ELF1: variants seen among roughly 807,000 people sequenced by gnomAD.
ELF1 encodes E74 like ETS transcription factor 1, also known as ETS-related transcription factor Elf-1.
Under a neutral mutation model 59.9 loss-of-function variants are expected in ELF1, and 24 were observed. The observed-to-expected ratio is 0.40, with a 90% confidence interval of 0.29 to 0.56. The LOEUF is 0.56. Ranked by LOEUF, ELF1 falls within the 20% of genes least tolerant of loss-of-function variation. ELF1 has a pLI of 0.44. For missense variants in ELF1, 627 were observed against 742.2 expected (o/e 0.84, Z 1.80); for synonymous variants, 248 against 266.2 (o/e 0.93, Z 0.67).
chr13:40,939,895 T>C (rs1001935567), intron 8 of ELF1, among the ~76,000 whole-genome samples: 1 of 152,204 alleles, frequency 6.6e-6, no homozygotes, highest in African/African-American at 2.4e-5. Context: ...AGATGTAGCA[T>C]CCAATTAAAA....
chr13:41,049,088 T>G (rs756433342), intron 1 of ELF1, among the ~76,000 whole-genome samples: 4 of 152,232 alleles, frequency 2.6e-5, no homozygotes, highest in Non-Finnish European at 5.9e-5. Flanking sequence ...TCTGGACTAC[T>G]CTTTCTCAGT....
At chr13:41,040,902 G>A (rs889337183) in intron 1 of ELF1, among the ~76,000 whole-genome samples, 6 of 152,100 alleles carry the variant, frequency 3.9e-5, no homozygotes, top group Admixed American at 1.3e-4. Context: ...GCACTGTTCC[G>A]CAGACTAAGG....
chr13:40,959,113 T>C (rs774507311), intron 2 of ELF1, 97 bp from the exon 3 acceptor site: 112 of 1,426,014 alleles, frequency 7.9e-5, no homozygotes, highest in Non-Finnish European at 9.8e-5. Flanking sequence ...TAGCCATCAA[T>C]TTAATTTTTA....
intron 1 of ELF1, chr13:40,993,229 C>T: frequency 1.3e-6 from 2 of 1,571,732 alleles, no homozygotes; most frequent in Admixed American, 1.7e-5. Flanking sequence ...GCAGCTGCAA[C>T]AACAGCACCA....
chr13:41,043,321 T>TA (rs1298722616), intron 1 of ELF1, among the ~76,000 whole-genome samples: 1 of 152,226 alleles, frequency 6.6e-6, no homozygotes, highest in Non-Finnish European at 1.5e-5. Context: ...AGATCCCATT[T>TA]GTCAATTTTG....
intron 1 of ELF1, among the ~76,000 whole-genome samples, chr13:41,054,482 A>G (rs1323910586): frequency 6.6e-6 from 1 of 152,204 alleles, no homozygotes; most frequent in Non-Finnish European, 1.5e-5. Context: ...CCACAGACAC[A>G]CGCAGGTATG....
At chr13:40,988,425 A>G (rs1323867595) in intron 1 of ELF1, among the ~76,000 whole-genome samples, 5 of 152,238 alleles carry the variant, frequency 3.3e-5, no homozygotes, top group African/African-American at 1.2e-4. Context: ...CCTTAGCAGA[A>G]TATCTGGAAA....
At chr13:40,972,792 A>G (rs993329574) in intron 2 of ELF1, among the ~76,000 whole-genome samples, 2 of 152,230 alleles carry the variant, frequency 1.3e-5, no homozygotes, top group Non-Finnish European at 2.9e-5. Context: ...TTTTAATGCC[A>G]TATCACACAG....
chr13:40,943,869 C>T lies in ELF1; in HGVS notation c.586G>A (p.Val196Met). Residue 196 changes from valine to methionine, a missense_variant, in exon 6 of 9, where the codon GTG becomes ATG. Physicochemically the swap from Val to Met is conservative, Grantham distance 21. Coordinates refer to ENST00000239882, the MANE Select transcript of ELF1 (RefSeq NM_172373.4). ...DSPATTPNIS[V>M]KKKNKDGKGN... is the part of the protein sequence containing the mutation. Reference sequence around the variant, plus strand: ...TTTCCATCTTTGTTTTTCTTCTTCACAGATATATTTGGCGTAGTGGCTGGG... The same window carrying T: ...TTTCCATCTTTGTTTTTCTTCTTCATAGATATATTTGGCGTAGTGGCTGGG... The T allele has an allele frequency of 6.2e-7, 1 of 1,613,648 alleles. No individual in the cohort carries two copies. Among genetic ancestry groups the T allele is most frequent in the Non-Finnish European group, 8.5e-7 (1 of 1,179,742 alleles).
chr13:41,038,619 T>C (rs1876479998), intron 1 of ELF1, among the ~76,000 whole-genome samples: 1 of 152,226 alleles, frequency 6.6e-6, no homozygotes, highest in African/African-American at 2.4e-5. Flanking sequence ...TTAAAAGCAC[T>C]GCCAAAAATT....
rs189004178 is a variant in ELF1, at chr13:40,986,169, A to G, written c.-228-3887T>C. Among the ~76,000 whole-genome samples the G allele has an allele frequency of 2.2e-4, 33 of 152,338 alleles. No individual in the cohort carries two copies. In the East Asian group the frequency reaches 6.2e-3, roughly 28 times the overall value. ...TTTGGAGTTAAAGTAAAATAGTAAC[A>G]CAAAGCAGTTCAGAGAACAGGCTCT... On this transcript the variant is annotated intron_variant, in intron 1 of 8. Coordinates refer to ENST00000239882, the MANE Select transcript of ELF1 (RefSeq NM_172373.4).
intron 1 of ELF1, among the ~76,000 whole-genome samples, chr13:41,052,375 T>C (rs1478322166): frequency 6.6e-6 from 1 of 152,208 alleles, no homozygotes; most frequent in African/African-American, 2.4e-5. Context: ...TGATAAAGTC[T>C]CTTAAGTGCT....
At chr13:41,049,522 T>C (rs1876996091) in intron 1 of ELF1, among the ~76,000 whole-genome samples, 1 of 152,224 alleles carries the variant, frequency 6.6e-6, no homozygotes, top group Non-Finnish European at 1.5e-5. Flanking sequence ...GAATGTCTTA[T>C]ATGATTTGAT....
At position 40,936,630 on chromosome 13, in the gene ELF1, G is replaced by A. The variant is rs577921213; in HGVS notation, c.1257-2602C>T. The stretch of plus-strand genomic sequence containing the variant: ...GCTGGGCATAGTCGGGTGTGGTGGC[G>A]GGCGCCTGTAGTCCCAGCTGCTGGG... On this transcript the variant is annotated intron_variant, in intron 8 of 8. Transcript: ENST00000239882. Among the ~76,000 whole-genome samples, 25 of 151,814 alleles carry A rather than the reference G, an allele frequency of 1.6e-4. 1 individual carries two copies. The highest frequency in any genetic ancestry group is 1.0e-3 in the South Asian group (5 of 4,792).
At chr13:41,022,905 C>A (rs1391600663), upstream of ELF1, among the ~76,000 whole-genome samples, 3 of 151,830 alleles carry the variant, frequency 2.0e-5, no homozygotes, top group Non-Finnish European at 4.4e-5. Context: ...TAACAAATAT[C>A]CAAGTTCTGC....
At chr13:41,014,591 C>A (rs1301434479) in intron 1 of ELF1, among the ~76,000 whole-genome samples, 1 of 152,104 alleles carries the variant, frequency 6.6e-6, no homozygotes, top group Non-Finnish European at 1.5e-5. Context: ...TGTAGGTTCT[C>A]CATACTAATG....
At chr13:40,934,062 A>G (rs759194622) in intron 8 of ELF1, 34 bp from the exon 9 acceptor site, 3 of 1,575,888 alleles carry the variant, frequency 1.9e-6, no homozygotes, top group African/African-American at 2.7e-5. Context: ...TGAGACAATT[A>G]GCATATTCTA....
chr13:41,060,891 C>T lies in ELF1; in HGVS notation c.-282G>A, dbSNP rs1245654151. On this transcript the variant is annotated 5_prime_UTR_variant, in exon 1 of 2. Coordinates refer to the ELF1 transcript ENST00000405737. ...TCGCCGCACCTCTCGCCACCGCCGC[C>T]TCTGCGCTACTGAAGCTGCTGCTGC... 1.4e-5 allele frequency: 5 copies of T among 345,922 alleles called. No homozygotes were observed. In the Admixed American group the frequency reaches 1.9e-4, roughly 13 times the overall value. The allele number at this position is 345,922 out of a possible 1,614,324, so 21.4% of individuals were successfully genotyped here. A position where few individuals can be genotyped will look rare whatever the true frequency, so the allele number is the denominator to read the frequency against.
At chr13:40,966,540 G>A (rs572635919) in intron 2 of ELF1, among the ~76,000 whole-genome samples, 2 of 152,316 alleles carry the variant, frequency 1.3e-5, no homozygotes, top group Non-Finnish European at 2.9e-5. Flanking sequence ...AGCGACCAAT[G>A]TAAGCAGGAC....
Sources: allele counts gnomAD v4.1 joint callset (sites outside exome capture counted in the v4.1 genomes callset), GRCh38; gene constraint gnomAD v4.1.1; transcripts MANE v1.5; gene names NCBI Gene and HGNC (gene_info 2026-07-23, HGNC 2026-07-21).